Variants in NCAM2 observed in about 807,000 individuals in gnomAD.
The protein encoded by NCAM2 is neural cell adhesion molecule 2, also known as N-CAM-2.
Under a neutral mutation model 98.1 loss-of-function variants are expected in NCAM2, and 30 were observed. That is an observed-to-expected ratio of 0.31 (90% CI 0.23 to 0.41). The LOEUF is 0.41. Among genes scored for constraint, NCAM2 ranks in the 10% least tolerant of loss-of-function variants. The probability of loss-of-function intolerance (pLI) is 1.00; values close to 1 mark genes in which losing one functional copy is unlikely to be tolerated. For synonymous variants in NCAM2, 368 were observed against 342.4 expected, an observed-to-expected ratio of 1.07 and a Z score of -0.83; for missense variants, 867 against 1,005.8, an observed-to-expected ratio of 0.86 and a Z score of 1.87.
At chr21:21,388,474 G>T (rs1323813990) in intron 9 of NCAM2, among the ~76,000 whole-genome samples, 4 of 152,158 alleles carry the variant, frequency 2.6e-5, no homozygotes, top group Admixed American at 2.0e-4. Flanking sequence ...AGAGGCTAAT[G>T]TTGCTGAAGC....
chr21:21,449,793 C>T (rs1980751081), intron 12 of NCAM2, among the ~76,000 whole-genome samples: 1 of 151,974 alleles, frequency 6.6e-6, no homozygotes, highest in African/African-American at 2.4e-5. Flanking sequence ...TCAATAGTAC[C>T]ATCCTATATG....
At position 21,534,671 on chromosome 21, in the gene NCAM2, G is replaced by A. The variant is rs777597711; in HGVS notation, c.2402+15G>A. The A allele has an allele frequency of 7.0e-5, 110 of 1,582,708 alleles. No individual in the cohort carries two copies. The highest frequency in any genetic ancestry group is 9.0e-5 in the Non-Finnish European group (105 of 1,166,550). ...ACAGAACCTGAGTATGTGGCTTGGA[G>A]TGCTCACTTATGTTCAAATGGGTAT... On this transcript the variant is annotated intron_variant, in intron 17 of 17. Transcript: ENST00000400546.
chr21:21,443,293 G>A (rs1448196116), intron 12 of NCAM2, among the ~76,000 whole-genome samples: 2 of 152,096 alleles, frequency 1.3e-5, no homozygotes, highest in Non-Finnish European at 2.9e-5. Flanking sequence ...GGAGCCTGGG[G>A]AGGGATAACA....
At chr21:21,297,553 A>G (rs1325595446) in intron 5 of NCAM2, among the ~76,000 whole-genome samples, 2 of 151,746 alleles carry the variant, frequency 1.3e-5, no homozygotes, top group African/African-American at 4.8e-5. Context: ...TACCTTTTCC[A>G]TAAATTCATA....
intron 6 of NCAM2, among the ~76,000 whole-genome samples, chr21:21,325,675 A>G (rs1316552955): frequency 6.6e-6 from 1 of 152,190 alleles, no homozygotes; most frequent in Non-Finnish European, 1.5e-5. Flanking sequence ...CAGAAAAGCT[A>G]CTGAATCATT....
At chr21:21,041,836 G>A (rs1473991290) in intron 1 of NCAM2, among the ~76,000 whole-genome samples, 1 of 152,096 alleles carries the variant, frequency 6.6e-6, no homozygotes, top group Non-Finnish European at 1.5e-5. Context: ...TTCTGATCTT[G>A]GTTGACTTCC....
chr21:21,230,170 G>T (rs1386045285), intron 1 of NCAM2, among the ~76,000 whole-genome samples: 1 of 149,456 alleles, frequency 6.7e-6, no homozygotes, highest in Non-Finnish European at 1.5e-5. Flanking sequence ...TTTGCAAAAA[G>T]AAAAAAAATA....
At chr21:21,529,030 T>C (rs142205527) in intron 16 of NCAM2, among the ~76,000 whole-genome samples, 238 of 152,252 alleles carry the variant, frequency 1.6e-3, no homozygotes, top group Middle Eastern at 3.4e-3. Flanking sequence ...ATTTGAATCA[T>C]TTTCATCCTT....
At chr21:21,228,587 T>C (rs1427175984) in intron 1 of NCAM2, among the ~76,000 whole-genome samples, 1 of 151,542 alleles carries the variant, frequency 6.6e-6, no homozygotes, top group Non-Finnish European at 1.5e-5. Flanking sequence ...AGTATTCAAA[T>C]ATTAAATATT....
At chr21:21,472,275 T>C (rs1290026934) in intron 14 of NCAM2, among the ~76,000 whole-genome samples, 1 of 152,034 alleles carries the variant, frequency 6.6e-6, no homozygotes, top group Non-Finnish European at 1.5e-5. Flanking sequence ...ATTGAACTTC[T>C]TAAGTAAGTT....
chr21:21,052,174 T>TTTTTTTTTTTTTTTTTC (rs2065124379), intron 1 of NCAM2, among the ~76,000 whole-genome samples: 1 of 62,182 alleles, frequency 1.6e-5, no homozygotes, highest in African/African-American at 5.6e-5. Flanking sequence ...TTTTTTTTTT[T>TTTTTTTTTTTTTTTTTC]TGAGACGGAG....
chr21:21,131,697 A>G (rs971087017), intron 1 of NCAM2, among the ~76,000 whole-genome samples: 9 of 152,242 alleles, frequency 5.9e-5, no homozygotes, highest in Non-Finnish European at 1.3e-4. Context: ...AATTTTATAT[A>G]TAGCTATATA....
At chr21:21,302,530 A>T (rs1199425410) in intron 5 of NCAM2, among the ~76,000 whole-genome samples, 3 of 152,118 alleles carry the variant, frequency 2.0e-5, no homozygotes, top group African/African-American at 4.8e-5. Flanking sequence ...CATCAGATAG[A>T]TGCAAATCAA....
rs1003414069 is a variant in NCAM2, at chr21:21,272,518, A to G, written c.56-8060A>G. ...CACATGCGCGCGCGCGCACACACAC[A>G]CACACACACACACACTTCCTCAGAT... On this transcript the variant is annotated intron_variant, in intron 1 of 17. Transcript: ENST00000400546. Among the ~76,000 whole-genome samples the G allele has an allele frequency of 7.8e-3, 1,192 of 151,960 alleles. 25 individuals are homozygous for G. Among genetic ancestry groups the G allele is most frequent in the African/African-American group, 0.026 (1,095 of 41,418 alleles).
At chr21:21,317,120 G>A (rs923239345) in intron 5 of NCAM2, among the ~76,000 whole-genome samples, 2 of 152,082 alleles carry the variant, frequency 1.3e-5, no homozygotes, top group African/African-American at 2.4e-5. Flanking sequence ...TCTGAGAGAC[G>A]CTGCTGTACT....
intron 8 of NCAM2, among the ~76,000 whole-genome samples, chr21:21,369,463 A>G (rs149145120): frequency 6.1e-4 from 92 of 151,960 alleles, no homozygotes; most frequent in Middle Eastern, 6.8e-3. Context: ...GTGTGGACAT[A>G]TATCTTCATT....
At chr21:21,065,115 G>A (rs1228858726) in intron 1 of NCAM2, among the ~76,000 whole-genome samples, 1 of 150,832 alleles carries the variant, frequency 6.6e-6, no homozygotes, top group African/African-American at 2.4e-5. Flanking sequence ...GGGAGGCGGA[G>A]GTTGCAGTGA....
chr21:21,510,090 C>T lies in NCAM2; in HGVS notation c.2282+1035C>T, dbSNP rs139508557. Reference sequence around the variant, plus strand: ...CTATTTTGTCATATGTTTATTCATACGTTAATCCCTTATATTTTCTTGAAT... The same window carrying T: ...CTATTTTGTCATATGTTTATTCATATGTTAATCCCTTATATTTTCTTGAAT... On this transcript the variant is annotated intron_variant, in intron 16 of 17. Transcript: ENST00000400546. 1.7e-3 allele frequency among the ~76,000 whole-genome samples: 259 copies of T among 152,202 alleles called. 3 individuals carry two copies. Among genetic ancestry groups the T allele is most frequent in the South Asian group, 3.1e-3 (15 of 4,820 alleles).
At chr21:21,002,821 A>G in intron 1 of NCAM2, among the ~76,000 whole-genome samples, 1 of 152,094 alleles carries the variant, frequency 6.6e-6, no homozygotes, top group Non-Finnish European at 1.5e-5. Flanking sequence ...TGTTTTTCAA[A>G]TTTTGTTGTC....
Sources: allele counts gnomAD v4.1 joint callset (sites outside exome capture counted in the v4.1 genomes callset), GRCh38; gene constraint gnomAD v4.1.1; transcripts MANE v1.5; gene names NCBI Gene and HGNC (gene_info 2026-07-23, HGNC 2026-07-21).